SMG6: variants seen among roughly 807,000 people sequenced by gnomAD.
SMG6 encodes SMG6 nonsense mediated mRNA decay factor.
SMG6 carries 66 observed loss-of-function variants against 142.2 expected under a neutral mutation model. The ratio of observed to expected loss-of-function variants is 0.46; its 90% confidence interval spans 0.38 to 0.57. SMG6 has a LOEUF of 0.57. SMG6 is among the 20% of genes least tolerant of loss of function. SMG6 has a pLI of 0.00. For synonymous variants in SMG6, 779 were observed against 702.4 expected (o/e 1.11, Z -1.72); for missense variants, 1,793 against 1,832.0 (o/e 0.98, Z 0.39).
chr17:2,068,919 C>T lies in SMG6; in HGVS notation c.3694G>A (p.Asp1232Asn). The T allele has an allele frequency of 6.2e-7, 1 of 1,614,162 alleles. No individual in the cohort carries two copies. The highest frequency in any genetic ancestry group is 1.1e-5 in the South Asian group (1 of 91,078). The change falls in exon 16 of 19, where the codon GAC becomes AAC. Residue 1232 changes from aspartate to asparagine, a missense_variant. By Grantham distance (23) the Asp-to-Asn change is conservative. Around this residue, in one of 3 missense-constraint regions of SMG6, gnomAD observed 1,597 missense variants for 1,584.6 expected, o/e 1.01. Coordinates refer to ENST00000263073, the MANE Select transcript of SMG6 (RefSeq NM_017575.5). The surrounding 1 kb of genome is among the most constrained non-coding windows in gnomAD (Gnocchi z 6.7). ...TCCATCTGCCTCATCTGACTGTGGTCCTCCAGGACAGCCTATGGGGACAGA... is the reference window on the plus strand; with the variant it reads ...TCCATCTGCCTCATCTGACTGTGGTTCTCCAGGACAGCCTATGGGGACAGA... ...RQEKIQAVLE[D>N]HSQMRQMELE...
rs183615092 is a variant in SMG6, at chr17:2,090,715, C to T, written c.3358-4814G>A. Reference sequence around the variant, plus strand: ...AACAGTCCAGCTTGCTACTGCTCCTCTGGTTAAAGAGAACAATCACACGGG... The same window carrying T: ...AACAGTCCAGCTTGCTACTGCTCCTTTGGTTAAAGAGAACAATCACACGGG... On this transcript the variant is annotated intron_variant, in intron 13 of 18. Transcript: ENST00000263073. Among the ~76,000 whole-genome samples, 201 of 152,350 alleles carry T rather than the reference C, an allele frequency of 1.3e-3. 3 individuals are homozygous for T. The Middle Eastern group carries it at 0.014, about 10-fold the overall frequency.
intron 10 of SMG6, among the ~76,000 whole-genome samples, chr17:2,219,118 C>T (rs2073101228): frequency 6.6e-6 from 1 of 152,238 alleles, no homozygotes. Context: ...GGCACGGTGG[C>T]TCATGCCTGT....
Position 2,068,894 on chromosome 17 carries a change from T to C in SMG6, c.3719A>G (p.Glu1240Gly), listed in dbSNP as rs2068020862. The change falls in exon 16 of 19, where the codon GAG becomes GGG. Residue 1240 changes from glutamate to glycine, a missense_variant. Glu to Gly is a moderately conservative substitution (Grantham distance 98). Around this residue, in one of 3 missense-constraint regions of SMG6, gnomAD observed 1,597 missense variants for 1,584.6 expected, o/e 1.01. Transcript: ENST00000263073. This position sits in a 1 kb window ranked among gnomAD's most constrained non-coding sequence, Gnocchi z 6.7. ...LEDHSQMRQM[E>G]LEIRPLFLVP... is the part of the protein sequence containing the mutation. ...GAGGAACAAAGGTCTGATTTCGAGC[T>C]CCATCTGCCTCATCTGACTGTGGTC... 3 of 1,614,190 alleles carry C rather than the reference T, an allele frequency of 1.9e-6. No homozygotes were observed. Among genetic ancestry groups the C allele is most frequent in the Non-Finnish European group, 2.5e-6 (3 of 1,180,026 alleles).
At chr17:2,133,683 A>C (rs1479815233) in intron 13 of SMG6, among the ~76,000 whole-genome samples, 2 of 152,228 alleles carry the variant, frequency 1.3e-5, no homozygotes, top group Admixed American at 1.3e-4. Flanking sequence ...GATTACAGGT[A>C]CGTGCTAACA....
chr17:2,128,197 C>T (rs2069966502), intron 13 of SMG6, among the ~76,000 whole-genome samples: 1 of 152,224 alleles, frequency 6.6e-6, no homozygotes, highest in South Asian at 2.1e-4. Flanking sequence ...GCCAGTGGGG[C>T]GGCATACCCA....
At chr17:2,259,467 C>T (rs2074264518) in intron 8 of SMG6, among the ~76,000 whole-genome samples, 1 of 151,744 alleles carries the variant, frequency 6.6e-6, no homozygotes, top group African/African-American at 2.4e-5. Context: ...CACTTGGGCC[C>T]AGGAGTTTGA....
rs1232214504 is a variant in SMG6 at position 2,236,484 on chromosome 17, T to C, written c.2869+8A>G. 2 of 1,611,056 alleles carry C rather than the reference T, an allele frequency of 1.2e-6. No individual in the cohort carries two copies. The highest frequency in any genetic ancestry group is 8.5e-7 in the Non-Finnish European group (1 of 1,178,524). On this transcript the variant is annotated splice_region_variant and intron_variant, in intron 10 of 18. Coordinates refer to ENST00000263073, the MANE Select transcript of SMG6 (RefSeq NM_017575.5). The stretch of plus-strand genomic sequence containing the variant: ...ATATTCTAGATGAAGAAACTAAACA[T>C]GCCTTACCTTTCAGCTGGGAGTTGT...
intron 8 of SMG6, among the ~76,000 whole-genome samples, chr17:2,264,185 C>T (rs150634875): frequency 6.6e-6 from 1 of 152,240 alleles, no homozygotes; most frequent in East Asian, 1.9e-4. Flanking sequence ...AGACCACAAG[C>T]TGGATCCTAA....
At chr17:2,292,400 C>A in intron 6 of SMG6, 152 bp downstream of exon 6, 1 of 745,908 alleles carries the variant, frequency 1.3e-6, no homozygotes, top group Non-Finnish European at 2.2e-6. Context: ...CAACTTAATT[C>A]TGAGAGTAAC....
At chr17:2,090,767 G>A (rs1162435822) in intron 13 of SMG6, among the ~76,000 whole-genome samples, 1 of 152,212 alleles carries the variant, frequency 6.6e-6, no homozygotes, top group African/African-American at 2.4e-5. Context: ...CAAGTTTACA[G>A]GTTGTTTTTC....
At chr17:2,161,833 C>T (rs1435073760) in intron 13 of SMG6, among the ~76,000 whole-genome samples, 1 of 152,190 alleles carries the variant, frequency 6.6e-6, no homozygotes, top group Non-Finnish European at 1.5e-5. Flanking sequence ...GGGAAAGATG[C>T]TGATAAATTC....
rs1287575629 is a variant in SMG6 at position 2,303,643 on chromosome 17, G to A, written c.78C>T (p.Ala26=). The A allele has an allele frequency of 3.2e-5, 47 of 1,486,602 alleles. No individual in the cohort carries two copies. Among genetic ancestry groups the A allele is most frequent in the Non-Finnish European group, 4.1e-5 (46 of 1,125,226 alleles). 92.1% of individuals were successfully genotyped at this position (1,486,602 alleles called of 1,614,324 possible). A position where few individuals can be genotyped will look rare whatever the true frequency, so the allele number is the denominator to read the frequency against. ...GGCGGCGCGACTCACCTCTGCTCCC[G>A]GCCTGCGGGGCCAGAGTAGCCAGGA... ...RGILATLAPQ[A]GSRENMKELK... Residue 26 remains alanine (A), a synonymous_variant, in exon 1 of 19, where the codon GCC becomes GCT. Transcript: ENST00000263073.
chr17:2,169,369 A>C (rs2071435009), intron 13 of SMG6, among the ~76,000 whole-genome samples: 1 of 152,138 alleles, frequency 6.6e-6, no homozygotes, highest in East Asian at 1.9e-4. Flanking sequence ...AGAGAACTTA[A>C]CGAAATACTG....
At chr17:2,289,404 A>C (rs2074981044) in intron 6 of SMG6, among the ~76,000 whole-genome samples, 1 of 151,802 alleles carries the variant, frequency 6.6e-6, no homozygotes, top group African/African-American at 2.4e-5. Context: ...AAAAAATCAA[A>C]ATATTACCTG....
chr17:2,295,619 C>A (rs1175912636), intron 4 of SMG6, among the ~76,000 whole-genome samples: 1 of 151,972 alleles, frequency 6.6e-6, no homozygotes, highest in Non-Finnish European at 1.5e-5. Context: ...ATTTTACCTA[C>A]CCCCACCTTG....
chr17:2,210,224 A>C (rs1040541232), intron 10 of SMG6, among the ~76,000 whole-genome samples: 1 of 151,650 alleles, frequency 6.6e-6, no homozygotes. Flanking sequence ...CCATCTTCAC[A>C]GTCTGCTTCC....
chr17:2,295,587 G>C (rs1430678324), intron 4 of SMG6, among the ~76,000 whole-genome samples: 1 of 152,052 alleles, frequency 6.6e-6, no homozygotes, highest in Non-Finnish European at 1.5e-5. Context: ...CTTAACATTT[G>C]ACAGCTCCAT....
At chr17:2,142,144 C>G (rs1035140557) in intron 13 of SMG6, among the ~76,000 whole-genome samples, 1 of 152,088 alleles carries the variant, frequency 6.6e-6, no homozygotes, top group South Asian at 2.1e-4. Context: ...GGAATACAGG[C>G]GCACACCAGC....
At chr17:2,275,351 G>A (rs969736765) in intron 8 of SMG6, among the ~76,000 whole-genome samples, 3 of 152,194 alleles carry the variant, frequency 2.0e-5, no homozygotes, top group Admixed American at 2.0e-4. Flanking sequence ...GAACTCAGGA[G>A]GTGGCGGCTG....
Sources: gnomAD v4.1 joint callset for allele counts (sites outside exome capture counted in the v4.1 genomes callset) on GRCh38, gnomAD v4.1.1 for gene constraint, gnomAD v4.1.1 regional missense constraint, Gnocchi (gnomAD v3.1) non-coding constraint, MANE v1.5 for transcripts, NCBI Gene and HGNC (gene_info 2026-07-23, HGNC 2026-07-21) for gene names.